The following KDM4C variants were observed in gnomAD, a reference collection of about 807,000 sequenced individuals.
The protein encoded by KDM4C is lysine demethylase 4C.
A neutral mutation model predicts 129.3 loss-of-function variants in KDM4C; 81 were observed. The observed-to-expected ratio is 0.63, with a 90% CI of 0.52 to 0.75. The LOEUF is 0.75. Among genes scored for constraint, KDM4C ranks in the 30% least tolerant of loss-of-function variants. KDM4C has a pLI of 0.00. For missense variants in KDM4C, 1,457 were observed against 1,304.0 expected, an observed-to-expected ratio of 1.12 and a Z score of -1.81; for synonymous variants, 573 against 456.1, an observed-to-expected ratio of 1.26 and a Z score of -3.26.
chr9:6,782,792 G>C (rs910966408), intron 1 of KDM4C, among the ~76,000 whole-genome samples: 4 of 152,160 alleles, frequency 2.6e-5, no homozygotes, highest in African/African-American at 7.2e-5. Flanking sequence ...TAGAAAGTTT[G>C]CTTTATGTTT....
chr9:6,886,851 C>G (rs1201949008), intron 6 of KDM4C, among the ~76,000 whole-genome samples: 1 of 152,160 alleles, frequency 6.6e-6, no homozygotes, highest in Non-Finnish European at 1.5e-5. Flanking sequence ...CTCCTGGCCT[C>G]AAGTGATCCA....
chr9:6,847,461 C>T (rs921746775), intron 4 of KDM4C, among the ~76,000 whole-genome samples: 15 of 151,842 alleles, frequency 9.9e-5, no homozygotes, highest in African/African-American at 1.5e-4. Context: ...TGCAGTGGCA[C>T]GATCTCGGCT....
chr9:7,025,825 A>AT (rs1422167407), intron 15 of KDM4C, among the ~76,000 whole-genome samples: 1 of 152,120 alleles, frequency 6.6e-6, no homozygotes, highest in Non-Finnish European at 1.5e-5. Flanking sequence ...AATATGCTGC[A>AT]TTTTTTTGTG....
chr9:6,910,998 A>G (rs1483343414), intron 8 of KDM4C, among the ~76,000 whole-genome samples: 1 of 152,204 alleles, frequency 6.6e-6, no homozygotes, highest in Non-Finnish European at 1.5e-5. Context: ...GCTTACTTGT[A>G]TTACAAATTA....
chr9:6,929,776 C>A (rs1454586292), intron 8 of KDM4C, among the ~76,000 whole-genome samples: 1 of 151,984 alleles, frequency 6.6e-6, no homozygotes, highest in African/African-American at 2.4e-5. Context: ...TTGTGGGTGC[C>A]AAAATAGAAT....
chr9:7,163,958 C>T (rs1303850735), intron 19 of KDM4C, among the ~76,000 whole-genome samples: 1 of 152,186 alleles, frequency 6.6e-6, no homozygotes, highest in Non-Finnish European at 1.5e-5. Flanking sequence ...ATGTATACTC[C>T]TAACCCAGCA....
chr9:6,949,587 C>A (rs1827718766), intron 8 of KDM4C, among the ~76,000 whole-genome samples: 1 of 152,234 alleles, frequency 6.6e-6, no homozygotes. Flanking sequence ...ATCTGCAATC[C>A]CGGCACCTCG....
chr9:7,174,454 A>G lies in KDM4C; in HGVS notation c.2995-99A>G, dbSNP rs559652062. ...TTTAGCCTGAGCTGGTGACCTGGGC[A>G]TCTGCACCCTAACCCCAGCTGACCG... On this transcript the variant is annotated intron_variant, in intron 21 of 21. Transcript: ENST00000381309. The G allele has an allele frequency of 7.8e-5, 90 of 1,149,232 alleles. No individual in the cohort carries two copies. In the East Asian group the frequency reaches 2.1e-3, roughly 27 times the overall value. 71.2% of individuals were successfully genotyped at this position (1,149,232 alleles called of 1,614,324 possible).
intron 18 of KDM4C, among the ~76,000 whole-genome samples, chr9:7,105,651 C>A (rs1407863): frequency 6.6e-6 from 1 of 151,972 alleles, no homozygotes; most frequent in Non-Finnish European, 1.5e-5. Flanking sequence ...ATTCCAAACC[C>A]CAAACCTCAA....
In KDM4C at chr9:6,986,355, T is replaced by G; in HGVS notation, c.1366T>G (p.Leu456Val). The change falls in exon 11 of 22, where the codon TTA (leucine) becomes GTA (valine). Residue 456 changes from leucine (L) to valine (V), a missense_variant. Coordinates refer to ENST00000381309, the MANE Select transcript of KDM4C (RefSeq NM_015061.6). Reference sequence around the variant, plus strand: ...TGTTTTATCCTCAGGAAACAGCTGCTTAAGTACATCTGTAACAGAAGACAT... The same window carrying G: ...TGTTTTATCCTCAGGAAACAGCTGCGTAAGTACATCTGTAACAGAAGACAT... ...DHIKLSGNSCLSTSVTEDIKT... is the reference protein window; with the variant it reads ...DHIKLSGNSCVSTSVTEDIKT... The G allele has an allele frequency of 1.2e-6, 2 of 1,608,484 alleles. No individual in the cohort carries two copies. Among genetic ancestry groups the G allele is most frequent in the Non-Finnish European group, 1.7e-6 (2 of 1,175,546 alleles).
intron 17 of KDM4C, among the ~76,000 whole-genome samples, chr9:7,081,471 C>T (rs1294035387): frequency 3.3e-5 from 5 of 152,158 alleles, no homozygotes; most frequent in Non-Finnish European, 7.3e-5. Context: ...TGAGGAACAG[C>T]AGAGGGAAGC....
intron 15 of KDM4C, among the ~76,000 whole-genome samples, chr9:7,018,560 C>G (rs1824102282): frequency 6.6e-6 from 1 of 152,194 alleles, no homozygotes; most frequent in Admixed American, 6.5e-5. Context: ...CGCCCTGAAT[C>G]ATAAATTTAG....
intron 8 of KDM4C, among the ~76,000 whole-genome samples, chr9:6,896,030 A>G (rs984343749): frequency 6.6e-6 from 1 of 152,150 alleles, no homozygotes; most frequent in African/African-American, 2.4e-5. Flanking sequence ...CTGATTCTTT[A>G]GGTAACCTTA....
chr9:6,998,166 A>G (rs1259958862), intron 12 of KDM4C, among the ~76,000 whole-genome samples: 1 of 152,210 alleles, frequency 6.6e-6, no homozygotes, highest in Non-Finnish European at 1.5e-5. Flanking sequence ...CCTGATCCCT[A>G]TCTCTGTAAT....
At chr9:6,950,084 T>C (rs1188109729) in intron 8 of KDM4C, among the ~76,000 whole-genome samples, 9 of 150,916 alleles carry the variant, frequency 6.0e-5, no homozygotes, top group African/African-American at 2.2e-4. Flanking sequence ...CTTGTTTTTT[T>C]TTTTCCTCAA....
At chr9:7,057,833 A>T (rs1255625724) in intron 17 of KDM4C, among the ~76,000 whole-genome samples, 3 of 152,180 alleles carry the variant, frequency 2.0e-5, no homozygotes, top group Non-Finnish European at 4.4e-5. Context: ...TATTGCTGAA[A>T]ACCGTAAGAT....
chr9:6,899,216 A>G (rs997932853), intron 8 of KDM4C, among the ~76,000 whole-genome samples: 1 of 152,142 alleles, frequency 6.6e-6, no homozygotes, highest in African/African-American at 2.4e-5. Context: ...AGAGGAAAGT[A>G]TAGAGATTCC....
intron 4 of KDM4C, chr9:6,834,867 C>T: frequency 7.5e-7 from 1 of 1,325,204 alleles, no homozygotes; most frequent in Non-Finnish European, 1.1e-6. Context: ...GCCATCCAGC[C>T]CGTGCTGTCC....
At chr9:7,077,646 G>C (rs143735339) in intron 17 of KDM4C, among the ~76,000 whole-genome samples, 4 of 152,320 alleles carry the variant, frequency 2.6e-5, no homozygotes, top group East Asian at 3.9e-4. Context: ...GTGGAGTCAA[G>C]AGAAGTGGGA....
Sources: allele counts gnomAD v4.1 joint callset (sites outside exome capture counted in the v4.1 genomes callset), GRCh38; gene constraint gnomAD v4.1.1; transcripts MANE v1.5; gene names NCBI Gene and HGNC (gene_info 2026-07-23, HGNC 2026-07-21).